Variants in TENM4 observed in about 807,000 individuals in gnomAD.
The protein encoded by TENM4 is teneurin-4.
Under a neutral mutation model 243.3 loss-of-function variants are expected in TENM4, and 82 were observed. That is an observed-to-expected ratio of 0.34 (90% CI 0.28 to 0.40). The LOEUF is 0.40. Ranked by LOEUF, TENM4 falls within the 10% of genes least tolerant of loss-of-function variation. The pLI is 1.00. For synonymous variants in TENM4, 1,412 were observed against 1,456.3 expected (o/e 0.97, Z 0.69); for missense variants, 3,138 against 3,673.3 (o/e 0.85, Z 3.77).
intron 6 of TENM4, among the ~76,000 whole-genome samples, chr11:78,942,259 CAAAAAAAAAAAAAAAAAAAAA>C (rs56973257): frequency 2.2e-3 from 25 of 11,196 alleles, no homozygotes; most frequent in African/African-American, 6.5e-3. Context: ...CAAAATACAC[CAAAAAAAAAAAAAAAAAAAAA>C]AAAAAAAAAA....
chr11:79,210,933 A>G (rs1863943284), intron 3 of TENM4, among the ~76,000 whole-genome samples: 1 of 152,178 alleles, frequency 6.6e-6, no homozygotes, highest in African/African-American at 2.4e-5. Flanking sequence ...AATACTTTCA[A>G]TGGCTTCTTA....
At chr11:79,030,751 A>G (rs946961116) in intron 6 of TENM4, among the ~76,000 whole-genome samples, 1 of 152,144 alleles carries the variant, frequency 6.6e-6, no homozygotes, top group Non-Finnish European at 1.5e-5. Flanking sequence ...CCTGTCAAAC[A>G]GCCTCGGCAG....
intron 6 of TENM4, among the ~76,000 whole-genome samples, chr11:78,984,838 T>C (rs541887500): frequency 5.9e-5 from 9 of 152,244 alleles, no homozygotes; most frequent in African/African-American, 1.9e-4. Flanking sequence ...TAAGAACAAG[T>C]CTCAGCTCCT....
At chr11:79,327,868 A>G (rs6592836) in intron 1 of TENM4, among the ~76,000 whole-genome samples, 78,910 of 151,830 alleles carry the variant, frequency 0.52, 22,700 homozygotes, top group African/African-American at 0.78. Context: ...GAGAACTAAA[A>G]ATTTTCAAGC....
At chr11:79,073,811 C>A (rs138310753) in intron 4 of TENM4, among the ~76,000 whole-genome samples, 58 of 152,280 alleles carry the variant, frequency 3.8e-4, no homozygotes, top group African/African-American at 1.3e-3. Flanking sequence ...ACAATGAGTG[C>A]TCATAGATGT....
chr11:79,217,722 G>GA (rs1315906377), intron 2 of TENM4, among the ~76,000 whole-genome samples: 1 of 151,822 alleles, frequency 6.6e-6, no homozygotes, highest in African/African-American at 2.4e-5. Context: ...CTTCAGGGTA[G>GA]AATTTTTTTT....
At chr11:79,412,713 A>G (rs1170984011) in intron 1 of TENM4, among the ~76,000 whole-genome samples, 1 of 152,230 alleles carries the variant, frequency 6.6e-6, no homozygotes, top group African/African-American at 2.4e-5. Flanking sequence ...ATCTCCCAGT[A>G]ACTTCCAACT....
chr11:79,282,979 ATGT>A lies in TENM4; in HGVS notation c.-265+14506_-265+14508del, dbSNP rs142981655. Among the ~76,000 whole-genome samples the A allele has an allele frequency of 6.2e-3, 941 of 152,250 alleles. 11 individuals are homozygous for A. Among genetic ancestry groups the A allele is most frequent in the African/African-American group, 0.022 (911 of 41,536 alleles). On this transcript the variant is annotated intron_variant, in intron 2 of 33. Transcript: ENST00000278550. ...CAGTGTTGTTTCTGGCATTTGTAGGATGTTGTTGTTGTTGTTTTTCTGACACAA... is the reference window on the plus strand; with the variant it reads ...CAGTGTTGTTTCTGGCATTTGTAGGATGTTGTTGTTGTTTTTCTGACACAA...
intron 9 of TENM4, among the ~76,000 whole-genome samples, chr11:78,866,979 G>T (rs1320113677): frequency 6.6e-6 from 1 of 152,144 alleles, no homozygotes; most frequent in Non-Finnish European, 1.5e-5. Context: ...TGGGCACATA[G>T]AAGGTGTATA....
chr11:79,078,905 G>T (rs1233385194), intron 4 of TENM4, among the ~76,000 whole-genome samples: 1 of 152,166 alleles, frequency 6.6e-6, no homozygotes, highest in Non-Finnish European at 1.5e-5. Context: ...TGACCCCAAG[G>T]TTCAAGCTTT....
At chr11:79,085,353 G>T (rs1264932820) in intron 4 of TENM4, among the ~76,000 whole-genome samples, 1 of 148,726 alleles carries the variant, frequency 6.7e-6, no homozygotes, top group Non-Finnish European at 1.5e-5. Context: ...CTCCAGCCTG[G>T]GCGAAAGAGC....
At chr11:79,317,646 G>A (rs184626002) in intron 1 of TENM4, among the ~76,000 whole-genome samples, 9 of 152,240 alleles carry the variant, frequency 5.9e-5, no homozygotes, top group Non-Finnish European at 1.5e-5. Context: ...AAGGTCATAT[G>A]GCATATCAGA....
In TENM4 at chr11:78,814,337, G is replaced by A. The variant is rs774734139; in HGVS notation, c.1740C>T (p.Thr580=). ...CYGNGDCISG[T]CHCFLGFLGP... ...CCAGGAAACCCAGGAAGCAGTGGCA[G>A]GTCCCAGAGATGCAGTCACCATTGC... The change falls in exon 13 of 34, where the codon ACC becomes ACT. Residue 580 remains threonine (T), a synonymous_variant. Transcript: ENST00000278550. 5.2e-6 allele frequency: 8 copies of A among 1,550,562 alleles called. No homozygotes were observed. The highest frequency in any genetic ancestry group is 8.7e-7 in the Non-Finnish European group (1 of 1,146,450).
Position 78,708,346 on chromosome 11 carries a change from A to G in TENM4, c.4209+15T>C, listed in dbSNP as rs942063099. On this transcript the variant is annotated intron_variant, in intron 27 of 33. Coordinates refer to ENST00000278550, the MANE Select transcript of TENM4 (RefSeq NM_001098816.3). Reference sequence around the variant, plus strand: ...GTGGGCAGTCCCAGGGCTTTGGTAGATGAAGCCATCTTACCTGGGAAATAT... The same window carrying G: ...GTGGGCAGTCCCAGGGCTTTGGTAGGTGAAGCCATCTTACCTGGGAAATAT... 15 of 1,613,664 alleles carry G rather than the reference A, an allele frequency of 9.3e-6. No individual in the cohort carries two copies. The highest frequency in any genetic ancestry group is 8.3e-5 in the Admixed American group (5 of 59,996).
intron 6 of TENM4, among the ~76,000 whole-genome samples, chr11:79,008,826 T>C (rs1565165254): frequency 6.6e-6 from 1 of 152,232 alleles, no homozygotes; most frequent in African/African-American, 2.4e-5. Context: ...TGTCCTGTTA[T>C]ATATTGCCAA....
At position 78,975,174 on chromosome 11, in the gene TENM4, A is replaced by T. The variant is rs371530142; in HGVS notation, c.494-71651T>A. Among the ~76,000 whole-genome samples, 23 of 9,812 alleles carry T rather than the reference A, an allele frequency of 2.3e-3. No individual in the cohort carries two copies. In the South Asian group the frequency reaches 0.048, roughly 21 times the overall value. The allele number at this position is 9,812 out of a possible 152,430, so 6.4% of individuals were successfully genotyped here. ...AAAGCTGTGAGGGAGGTATTGGGGT[A>T]TGGGGGTAGGGTGGGTGGGGCGACA... is the stretch of plus-strand genomic sequence containing the variant. On this transcript the variant is annotated intron_variant, in intron 6 of 33. Coordinates refer to ENST00000278550, the MANE Select transcript of TENM4 (RefSeq NM_001098816.3).
intron 14 of TENM4, among the ~76,000 whole-genome samples, chr11:78,806,853 T>C (rs952572938): frequency 2.6e-5 from 4 of 152,184 alleles, no homozygotes; most frequent in Admixed American, 1.3e-4. Context: ...CAATTTCCTA[T>C]TTCCCCTTTC....
intron 16 of TENM4, among the ~76,000 whole-genome samples, chr11:78,782,619 T>C (rs962183523): frequency 6.6e-6 from 1 of 151,494 alleles, no homozygotes; most frequent in African/African-American, 2.4e-5. Context: ...AAACAAAAAT[T>C]AGCTGGTGTG....
intron 1 of TENM4, among the ~76,000 whole-genome samples, chr11:79,400,146 C>CA (rs1858431732): frequency 2.1e-5 from 3 of 142,992 alleles, no homozygotes; most frequent in East Asian, 2.0e-4. Context: ...CACACACACA[C>CA]CCTCCAGGAT....
Sources: gnomAD v4.1 joint callset for allele counts (sites outside exome capture counted in the v4.1 genomes callset) on GRCh38, gnomAD v4.1.1 for gene constraint, MANE v1.5 for transcripts, NCBI Gene and HGNC (gene_info 2026-07-23, HGNC 2026-07-21) for gene names.